The following MIB1 variants were observed in gnomAD, a reference collection of about 807,000 sequenced individuals.
MIB1 encodes E3 ubiquitin-protein ligase MIB1.
Under a neutral mutation model 124.5 loss-of-function variants are expected in MIB1, and 278 were observed. The observed-to-expected ratio is 2.23, with a 90% confidence interval of 2.02 to 2.47. MIB1 has a LOEUF of 2.47. MIB1 is among the 30% of genes most tolerant of loss of function. The pLI is 0.00. For synonymous variants in MIB1, 446 were observed against 429.4 expected (o/e 1.04, Z -0.48); for missense variants, 957 against 1,254.4 (o/e 0.76, Z 3.58).
chr18:21,765,120 A>C (rs1384402568), intron 1 of MIB1, among the ~76,000 whole-genome samples: 1 of 152,180 alleles, frequency 6.6e-6, no homozygotes, highest in Admixed American at 6.5e-5. Context: ...TGTCTGTCTC[A>C]TTCATCCATG....
At chr18:21,732,609 G>C (rs1337874369) in intron 1 of MIB1, among the ~76,000 whole-genome samples, 2 of 152,034 alleles carry the variant, frequency 1.3e-5, no homozygotes, top group Non-Finnish European at 2.9e-5. Flanking sequence ...TTCATGACCA[G>C]GCTGGTCATG....
At chr18:21,776,706 G>A (rs147238583) in intron 4 of MIB1, among the ~76,000 whole-genome samples, 23 of 152,282 alleles carry the variant, frequency 1.5e-4, no homozygotes, top group East Asian at 3.9e-4. Context: ...ATGTAAGGCC[G>A]GGTGCAGTGG....
chr18:21,717,674 T>C (rs9961297), intron 1 of MIB1, among the ~76,000 whole-genome samples: 2,379 of 152,004 alleles, frequency 0.016, 52 homozygotes, highest in African/African-American at 0.05. Context: ...GTCAGGGAAA[T>C]GCAAATCAAA....
intron 7 of MIB1, among the ~76,000 whole-genome samples, chr18:21,797,341 A>G (rs980663467): frequency 1.4e-4 from 22 of 152,258 alleles, no homozygotes; most frequent in Admixed American, 1.3e-3. Context: ...ATTTTCCATA[A>G]TAAAAAGTTG....
chr18:21,778,143 T>C lies in MIB1; in HGVS notation c.677T>C (p.Phe226Ser), dbSNP rs1017497887. The C allele has an allele frequency of 6.2e-7, 1 of 1,611,348 alleles. No homozygotes were observed. The highest frequency in any genetic ancestry group is 8.5e-7 in the Non-Finnish European group (1 of 1,177,804). ...GTCCAGGATGCCAAGGGAGGTTCTT[T>C]CTACAGAGATCACTGCCCTGTGCTA... ...KCVQDAKGGS[F>S]YRDHCPVLGE... The change falls in exon 5 of 21, where the codon TTC becomes TCC. Residue 226 changes from phenylalanine to serine, a missense_variant. Transcript: ENST00000261537.
chr18:21,806,073 T>A (rs2041702696), intron 10 of MIB1, among the ~76,000 whole-genome samples: 1 of 151,954 alleles, frequency 6.6e-6, no homozygotes, highest in African/African-American at 2.4e-5. Context: ...GGGCTAATTT[T>A]TGTATTTTTA....
Position 21,853,161 on chromosome 18 carries a change from TC to T in MIB1, c.2609del (p.Ser870LeufsTer24). The T allele has an allele frequency of 6.2e-7, 1 of 1,613,402 alleles. No individual in the cohort carries two copies. The highest frequency in any genetic ancestry group is 8.5e-7 in the Non-Finnish European group (1 of 1,179,464). On this transcript the variant is annotated frameshift_variant, in exon 18 of 21. Coordinates refer to ENST00000261537, the MANE Select transcript of MIB1 (RefSeq NM_020774.4). LOFTEE classifies it high-confidence loss of function. ...RTKIEECVVC[S>X]DKKAAVLFQP... ...ATAGATTGAAGAATGTGTGGTATGC[TC>T]TGACAAGAAAGCAGCTGTTCTTTTT...
chr18:21,734,482 CTCTCTCTCTCTCTCTT>C (rs2040786622), intron 1 of MIB1, among the ~76,000 whole-genome samples: 2 of 14,536 alleles, frequency 1.4e-4, no homozygotes, highest in African/African-American at 3.8e-4. Context: ...CTCTCTTTCT[CTCTCTCTCTCTCTCTT>C]TCTTTCTTTC....
At chr18:21,834,155 G>T (rs1242990735) in intron 12 of MIB1, among the ~76,000 whole-genome samples, 1 of 152,172 alleles carries the variant, frequency 6.6e-6, no homozygotes, top group Non-Finnish European at 1.5e-5. Context: ...AAGATTGCCT[G>T]CCTCATGGAA....
intron 1 of MIB1, among the ~76,000 whole-genome samples, chr18:21,727,114 A>T (rs1282326789): frequency 2.0e-5 from 3 of 152,056 alleles, no homozygotes; most frequent in Non-Finnish European, 2.9e-5. Flanking sequence ...TTCGCAGTTC[A>T]ATTTATTTTT....
At position 21,858,758 on chromosome 18, in the gene MIB1, T is replaced by C. The variant is rs185270014; in HGVS notation, c.2880+112T>C. On this transcript the variant is annotated intron_variant, in intron 20 of 20. Transcript: ENST00000261537. ...GGTTTATATTAGTGTATCACTTGTA[T>C]TATTTGCATATTTGCAATGAGTAAT... 1,107 of 600,890 alleles carry C rather than the reference T, an allele frequency of 1.8e-3. 9 individuals are homozygous for C. The highest frequency in any genetic ancestry group is 9.2e-3 in the South Asian group (352 of 38,074). 37.2% of individuals were successfully genotyped at this position (600,890 alleles called of 1,614,324 possible). A position where few individuals can be genotyped will look rare whatever the true frequency, so the allele number is the denominator to read the frequency against.
intron 13 of MIB1, among the ~76,000 whole-genome samples, chr18:21,839,082 A>G (rs1294182356): frequency 6.6e-6 from 1 of 152,202 alleles, no homozygotes; most frequent in Non-Finnish European, 1.5e-5. Flanking sequence ...CAAATTTTTC[A>G]TGTGCAAGCA....
chr18:21,849,134 A>C, intron 16 of MIB1, 62 bp from the exon 17 acceptor site: 2 of 1,111,154 alleles, frequency 1.8e-6, no homozygotes, highest in Non-Finnish European at 2.5e-6. Context: ...TATATTTTAA[A>C]ACATTTTAAT....
intron 1 of MIB1, among the ~76,000 whole-genome samples, chr18:21,707,167 G>C (rs2146349752): frequency 6.6e-6 from 1 of 152,304 alleles, no homozygotes; most frequent in Non-Finnish European, 1.5e-5. Flanking sequence ...TCAGCACTCT[G>C]TGTCTAGCTC....
intron 20 of MIB1, among the ~76,000 whole-genome samples, chr18:21,863,115 G>A (rs1041696019): frequency 6.6e-6 from 1 of 152,210 alleles, no homozygotes; most frequent in Admixed American, 6.5e-5. Flanking sequence ...GTGCTCAACT[G>A]TTTGCGGGAG....
chr18:21,802,531 T>C (rs962509411), intron 9 of MIB1, among the ~76,000 whole-genome samples: 2 of 152,204 alleles, frequency 1.3e-5, no homozygotes, highest in African/African-American at 4.8e-5. Flanking sequence ...ATCATGTTGG[T>C]ATTTAAAGAG....
chr18:21,863,385 A>G (rs777332256), intron 20 of MIB1, among the ~76,000 whole-genome samples: 4 of 152,178 alleles, frequency 2.6e-5, no homozygotes, highest in Non-Finnish European at 4.4e-5. Context: ...TCCAGTGTTC[A>G]AGAAGAATGA....
rs1450109659 is a variant in MIB1 at position 21,869,972 on chromosome 18, A to G, written c.*5306A>G. On this transcript the variant is annotated 3_prime_UTR_variant, in exon 21 of 21. Coordinates refer to ENST00000261537, the MANE Select transcript of MIB1 (RefSeq NM_020774.4). ...CAGCAAATTCAATGATAGCAGTTCA[A>G]TTGACTCATAGCAGTGTTTTGTATT... 1 of 152,326 alleles carries G rather than the reference A, an allele frequency of 6.6e-6. No homozygotes were observed. The highest frequency in any genetic ancestry group is 1.5e-5 in the Non-Finnish European group (1 of 67,950). 9.4% of individuals were successfully genotyped at this position (152,326 alleles called of 1,614,324 possible).
intron 10 of MIB1, among the ~76,000 whole-genome samples, chr18:21,815,250 C>T (rs1397971513): frequency 2.0e-5 from 3 of 151,494 alleles, no homozygotes; most frequent in South Asian, 4.2e-4. Flanking sequence ...CTCACTGTAA[C>T]TTGAAACTCC....
Sources: allele counts gnomAD v4.1 joint callset (sites outside exome capture counted in the v4.1 genomes callset), GRCh38; gene constraint gnomAD v4.1.1; transcripts MANE v1.5; gene names NCBI Gene and HGNC (gene_info 2026-07-23, HGNC 2026-07-21).